KCNB2: variants seen among roughly 807,000 people sequenced by gnomAD.
The protein encoded by KCNB2 is delayed rectifier potassium channel protein.
KCNB2 carries 15 observed loss-of-function variants against 61.5 expected under a neutral mutation model. That is an observed-to-expected ratio of 0.24 (90% confidence interval 0.16 to 0.38). The LOEUF (loss-of-function observed/expected upper bound fraction) is 0.38. KCNB2 is among the 10% of genes least tolerant of loss of function. The pLI is 1.00. For missense variants in KCNB2, 828 were observed against 1,125.2 expected (o/e 0.74, Z 3.78); for synonymous variants, 457 against 446.0 (o/e 1.02, Z -0.31).
At chr8:72,836,642 G>A (rs895564747) in intron 2 of KCNB2, among the ~76,000 whole-genome samples, 2 of 152,160 alleles carry the variant, frequency 1.3e-5, no homozygotes, top group Non-Finnish European at 2.9e-5. Flanking sequence ...TGGGCATAGT[G>A]GCTCACACTT....
chr8:72,562,018 T>TA (rs1239482695), intron 1 of KCNB2, among the ~76,000 whole-genome samples: 1 of 151,632 alleles, frequency 6.6e-6, no homozygotes, highest in Non-Finnish European at 1.5e-5. Context: ...TACTTAATGC[T>TA]ATACATGAAA....
intron 2 of KCNB2, among the ~76,000 whole-genome samples, chr8:72,716,236 A>T (rs1472802527): frequency 6.6e-6 from 1 of 152,160 alleles, no homozygotes; most frequent in South Asian, 2.1e-4. Context: ...CAGAGGTACA[A>T]GGAGGAACTG....
chr8:72,935,833 C>T, intron 2 of KCNB2, 102 bp from the exon 3 acceptor site: 1 of 788,232 alleles, frequency 1.3e-6, no homozygotes, highest in Non-Finnish European at 2.1e-6. Context: ...CTTGGAAGAA[C>T]TTGGAGCATT....
At chr8:72,561,752 T>C (rs1806529645) in intron 1 of KCNB2, among the ~76,000 whole-genome samples, 1 of 27,388 alleles carries the variant, frequency 3.7e-5, no homozygotes, top group African/African-American at 2.7e-4. Context: ...TATATGTATA[T>C]ATATATATGG....
At chr8:72,928,600 G>A (rs1440688716) in intron 2 of KCNB2, among the ~76,000 whole-genome samples, 1 of 151,506 alleles carries the variant, frequency 6.6e-6, no homozygotes, top group Non-Finnish European at 1.5e-5. Context: ...GGAATATACA[G>A]CATTCTTAAG....
At chr8:72,679,354 G>A (rs1046050332) in intron 2 of KCNB2, among the ~76,000 whole-genome samples, 1 of 152,088 alleles carries the variant, frequency 6.6e-6, no homozygotes, top group Admixed American at 6.6e-5. Context: ...GTTTATTAAC[G>A]GGACATGCTC....
At chr8:72,581,980 A>G (rs919340029) in intron 2 of KCNB2, among the ~76,000 whole-genome samples, 3 of 152,174 alleles carry the variant, frequency 2.0e-5, no homozygotes, top group Non-Finnish European at 2.9e-5. Flanking sequence ...CTGATGGCAG[A>G]TGGATAGATC....
At chr8:72,867,581 A>G (rs965384461) in intron 2 of KCNB2, among the ~76,000 whole-genome samples, 1 of 152,246 alleles carries the variant, frequency 6.6e-6, no homozygotes. Context: ...TGTGTGATCT[A>G]TAGACCTATG....
chr8:72,850,763 G>C (rs1467133920), intron 2 of KCNB2, among the ~76,000 whole-genome samples: 1 of 152,174 alleles, frequency 6.6e-6, no homozygotes, highest in Non-Finnish European at 1.5e-5. Context: ...AGAAAGTTAA[G>C]ACATGGCATA....
At chr8:72,734,135 A>T (rs1334543904) in intron 2 of KCNB2, among the ~76,000 whole-genome samples, 1 of 152,194 alleles carries the variant, frequency 6.6e-6, no homozygotes, top group Non-Finnish European at 1.5e-5. Flanking sequence ...AAGCAGTCTC[A>T]TTATCAACTG....
chr8:72,814,208 C>T (rs1266656428), intron 2 of KCNB2, among the ~76,000 whole-genome samples: 1 of 152,096 alleles, frequency 6.6e-6, no homozygotes, highest in East Asian at 1.9e-4. Flanking sequence ...ATAAGTATTG[C>T]CTTGTATGAA....
chr8:72,548,627 C>A (rs1271171226), intron 1 of KCNB2, among the ~76,000 whole-genome samples: 1 of 152,158 alleles, frequency 6.6e-6, no homozygotes. Context: ...AGCCTAGATA[C>A]CTAGAGGTGG....
chr8:72,582,991 G>A (rs181114654), intron 2 of KCNB2, among the ~76,000 whole-genome samples: 6 of 151,878 alleles, frequency 4.0e-5, no homozygotes, highest in South Asian at 4.2e-4. Context: ...ACTACAAAAC[G>A]TAAAAGAATA....
At chr8:72,855,282 G>C (rs1362584764) in intron 2 of KCNB2, among the ~76,000 whole-genome samples, 2 of 152,158 alleles carry the variant, frequency 1.3e-5, no homozygotes, top group Non-Finnish European at 1.5e-5. Context: ...TGCATAGAGA[G>C]ATCTTCAAGA....
At chr8:72,859,688 T>C (rs1455775587) in intron 2 of KCNB2, among the ~76,000 whole-genome samples, 2 of 147,910 alleles carry the variant, frequency 1.4e-5, no homozygotes, top group East Asian at 2.0e-4. Flanking sequence ...CATTGTAGCA[T>C]GGATCAGTAC....
chr8:72,768,361 G>C (rs1808496053), intron 2 of KCNB2, among the ~76,000 whole-genome samples: 1 of 152,072 alleles, frequency 6.6e-6, no homozygotes, highest in Admixed American at 6.6e-5. Flanking sequence ...TTTTAGTAGA[G>C]ATGTTGTTTT....
intron 2 of KCNB2, among the ~76,000 whole-genome samples, chr8:72,576,530 A>G (rs889256716): frequency 1.9e-4 from 29 of 152,210 alleles, no homozygotes; most frequent in African/African-American, 6.5e-4. Flanking sequence ...TTTCAAGATA[A>G]CAGTAAGCTT....
intron 2 of KCNB2, among the ~76,000 whole-genome samples, chr8:72,596,216 A>G (rs926987501): frequency 1.2e-4 from 19 of 152,214 alleles, no homozygotes; most frequent in African/African-American, 4.6e-4. Context: ...CTTACCTGGA[A>G]TTTGACCTCA....
chr8:72,770,676 G>T (rs989007090), intron 2 of KCNB2, among the ~76,000 whole-genome samples: 1 of 152,174 alleles, frequency 6.6e-6, no homozygotes, highest in South Asian at 2.1e-4. Flanking sequence ...TAAAGCTGTT[G>T]TGGGGATTAA....
Sources: allele counts gnomAD v4.1 joint callset (sites outside exome capture counted in the v4.1 genomes callset), GRCh38; gene constraint gnomAD v4.1.1; transcripts MANE v1.5; gene names NCBI Gene and HGNC (gene_info 2026-07-23, HGNC 2026-07-21).